SMYD2: variants seen among roughly 807,000 people sequenced by gnomAD.
SMYD2 encodes the protein N-lysine methyltransferase SMYD2.
Under a neutral mutation model 59.1 loss-of-function variants are expected in SMYD2, and 53 were observed. The observed-to-expected ratio is 0.90, with a 90% confidence interval of 0.72 to 1.13. The LOEUF (loss-of-function observed/expected upper bound fraction) is 1.13. SMYD2 is among the 50% of genes most tolerant of loss of function. The pLI is 0.00. For synonymous variants in SMYD2, 208 were observed against 198.8 expected, an observed-to-expected ratio of 1.05 and a Z score of -0.39; for missense variants, 494 against 544.7, an observed-to-expected ratio of 0.91 and a Z score of 0.93.
In SMYD2 at chr1:214,324,632, T is replaced by C; in HGVS notation, c.535-9T>C. The C allele has an allele frequency of 6.2e-7, 1 of 1,601,116 alleles. No homozygotes were observed. The highest frequency in any genetic ancestry group is 1.1e-5 in the South Asian group (1 of 87,104). ...CATTTTTTTCCTTTCTCCCTTTTTC[T>C]TGCTGCAGGTTAACTGTAATGGCTT... On this transcript the variant is annotated splice_polypyrimidine_tract_variant and intron_variant, in intron 5 of 11. Transcript: ENST00000366957.
intron 7 of SMYD2, among the ~76,000 whole-genome samples, chr1:214,328,984 A>G (rs553439216): frequency 9.8e-5 from 15 of 152,360 alleles, no homozygotes; most frequent in African/African-American, 3.4e-4. Context: ...GGCTGGGAGC[A>G]GTGGTACTGG....
At chr1:214,305,272 G>A (rs749264205) in intron 2 of SMYD2, 22 bp downstream of exon 2, 2 of 1,611,540 alleles carry the variant, frequency 1.2e-6, no homozygotes, top group Non-Finnish European at 1.7e-6. Context: ...GCCATTGGCA[G>A]GGAGGGCCTA....
In SMYD2 at chr1:214,326,866, GA is replaced by G. The variant is rs35560814; in HGVS notation, c.603-750del. On this transcript the variant is annotated intron_variant, in intron 6 of 11. Transcript: ENST00000366957. ...AGTTTCTGGGCAGTTTTAATTGGGG[GA>G]AAAAATCCCTTTGGGCTGAAATCAT... is the stretch of plus-strand genomic sequence containing the variant. 5.9e-5 allele frequency among the ~76,000 whole-genome samples: 9 copies of G among 152,230 alleles called. No homozygotes were observed. The South Asian group carries it at 1.0e-3, about 18-fold the overall frequency.
At chr1:214,326,073 A>G (rs1158922388) in intron 6 of SMYD2, among the ~76,000 whole-genome samples, 1 of 151,830 alleles carries the variant, frequency 6.6e-6, no homozygotes, top group African/African-American at 2.4e-5. Context: ...CCCCGTCTCT[A>G]CTAAAAATAC....
intron 1 of SMYD2, among the ~76,000 whole-genome samples, chr1:214,295,039 A>G (rs577244343): frequency 1.3e-5 from 2 of 152,340 alleles, no homozygotes; most frequent in South Asian, 4.1e-4. Flanking sequence ...AACTGGAAGA[A>G]GCGGTGGATA....
chr1:214,294,583 A>C (rs139909441), intron 1 of SMYD2, among the ~76,000 whole-genome samples: 1,685 of 152,244 alleles, frequency 0.011, 17 homozygotes, highest in African/African-American at 0.038. Flanking sequence ...AGGCAGGAGA[A>C]TCTCTTGAAC....
intron 6 of SMYD2, among the ~76,000 whole-genome samples, chr1:214,326,289 G>T (rs1195339903): frequency 6.6e-6 from 1 of 150,658 alleles, no homozygotes; most frequent in African/African-American, 2.4e-5. Context: ...TCACCTGTCA[G>T]TGGTTGCCAA....
At chr1:214,314,957 C>T in intron 3 of SMYD2, 85 bp downstream of exon 3, 1 of 1,016,542 alleles carries the variant, frequency 9.8e-7, no homozygotes, top group Admixed American at 2.0e-5. Context: ...CCTTTGGTAA[C>T]CATCTCTCGT....
chr1:214,304,658 A>C (rs1242063845), intron 1 of SMYD2, among the ~76,000 whole-genome samples: 2 of 151,946 alleles, frequency 1.3e-5, no homozygotes, highest in East Asian at 3.9e-4. Context: ...CTAGCATACT[A>C]AATTCCATCT....
At chr1:214,282,972 A>C (rs576360599) in intron 1 of SMYD2, among the ~76,000 whole-genome samples, 1 of 152,306 alleles carries the variant, frequency 6.6e-6, no homozygotes, top group South Asian at 2.1e-4. Context: ...CAGGCAGCAC[A>C]GAAGGAGCCT....
Position 214,332,071 on chromosome 1 carries a change from GTGTT to G in SMYD2, c.994_997del (p.Phe332ArgfsTer10). 12 of 1,614,084 alleles carry G rather than the reference GTGTT, an allele frequency of 7.4e-6. No individual in the cohort carries two copies. Among genetic ancestry groups the G allele is most frequent in the Non-Finnish European group, 1.0e-5 (12 of 1,180,032 alleles). ...GCTCAGCCAGGAGAAGATGAGCTCT[GTGTT>G]TGAGGACAGTAACGTGTACATGTTG... On this transcript the variant is annotated frameshift_variant, in exon 10 of 12. Transcript: ENST00000366957. LOFTEE classifies it high-confidence loss of function.
chr1:214,304,557 T>TAAAAAA (rs1360994446), intron 1 of SMYD2, among the ~76,000 whole-genome samples: 3 of 20,530 alleles, frequency 1.5e-4, no homozygotes, highest in Non-Finnish European at 2.3e-4. Flanking sequence ...AGACCCTATC[T>TAAAAAA]CAAAAAAAAA....
intron 10 of SMYD2, chr1:214,333,989 A>C (rs1258998771): frequency 6.7e-6 from 3 of 445,764 alleles, no homozygotes; most frequent in African/African-American, 3.8e-5. Context: ...TTTCAGAAAC[A>C]CACAAACTAC....
At chr1:214,328,611 A>G (rs1657299389) in intron 7 of SMYD2, among the ~76,000 whole-genome samples, 1 of 152,208 alleles carries the variant, frequency 6.6e-6, no homozygotes, top group African/African-American at 2.4e-5. Flanking sequence ...GCAATTTGTA[A>G]TGCTATTTTA....
intron 2 of SMYD2, among the ~76,000 whole-genome samples, chr1:214,311,784 A>G (rs570955417): frequency 1.3e-5 from 2 of 152,348 alleles, no homozygotes; most frequent in East Asian, 3.9e-4. Flanking sequence ...TGTAGTTGCT[A>G]AACACCAAGG....
intron 7 of SMYD2, 66 bp from the exon 8 acceptor site, chr1:214,330,102 C>G: frequency 9.0e-7 from 1 of 1,115,532 alleles, no homozygotes; most frequent in South Asian, 1.6e-5. Flanking sequence ...ACTGCAAAGG[C>G]ACGGGAATGA....
At chr1:214,309,615 A>G (rs1401447052) in intron 2 of SMYD2, among the ~76,000 whole-genome samples, 2 of 152,210 alleles carry the variant, frequency 1.3e-5, no homozygotes, top group Non-Finnish European at 2.9e-5. Context: ...ATTGACTAGA[A>G]AATAACTGAA....
At position 214,337,114 on chromosome 1, in the gene SMYD2, ATT is replaced by A. The variant is rs1205583080; in HGVS notation, c.*331_*332del. On this transcript the variant is annotated 3_prime_UTR_variant, in exon 12 of 12. Coordinates refer to ENST00000366957, the MANE Select transcript of SMYD2 (RefSeq NM_020197.3). ...CTGAACAAACTTGAATGATGAAAGT[ATT>A]AAAGAGATATCAGTATTTGAGGTTT... is the stretch of plus-strand genomic sequence containing the variant. 432 of 199,340 alleles carry A rather than the reference ATT, an allele frequency of 2.2e-3. 18 individuals carry two copies. The South Asian group carries it at 0.037, about 17-fold the overall frequency. 12.3% of individuals were successfully genotyped at this position (199,340 alleles called of 1,614,324 possible).
chr1:214,332,236 G>A, intron 10 of SMYD2, 44 bp downstream of exon 10: 1 of 1,603,840 alleles, frequency 6.2e-7, no homozygotes, highest in South Asian at 1.1e-5. Flanking sequence ...GTGGAATTTG[G>A]TTGTTTAGAA....
Sources: gnomAD v4.1 joint callset for allele counts (sites outside exome capture counted in the v4.1 genomes callset) on GRCh38, gnomAD v4.1.1 for gene constraint, MANE v1.5 for transcripts, NCBI Gene and HGNC (gene_info 2026-07-23, HGNC 2026-07-21) for gene names.